FRMD4B: variants seen among roughly 807,000 people sequenced by gnomAD.
The protein encoded by FRMD4B is FERM domain containing 4B, also known as FERM domain-containing protein 4B.
FRMD4B carries 74 observed loss-of-function variants against 141.5 expected under a neutral mutation model. That is an observed-to-expected ratio of 0.52 (90% confidence interval 0.43 to 0.63). The LOEUF (loss-of-function observed/expected upper bound fraction) is 0.63, where lower values mean the gene tolerates loss of function less well. FRMD4B is among the 30% of genes least tolerant of loss of function. The pLI is 0.00. For missense variants in FRMD4B, 1,366 were observed against 1,253.4 expected (o/e 1.09, Z -1.36); for synonymous variants, 506 against 467.9 (o/e 1.08, Z -1.05).
In FRMD4B at chr3:69,540,537, T is replaced by C. The variant is rs375025733; in HGVS notation, c.-129+1669A>G. Among the ~76,000 whole-genome samples the C allele has an allele frequency of 4.1e-4, 58 of 141,214 alleles. 1 individual carries two copies. The South Asian group carries it at 0.013, about 31-fold the overall frequency. 92.6% of individuals were successfully genotyped at this position (141,214 alleles called of 152,430 possible). A position where few individuals can be genotyped will look rare whatever the true frequency, so the allele number is the denominator to read the frequency against. ...GCTGAGGCAGGAGACTCGCTTGAAC[T>C]CGGGAGGCAGAGGTTGCAGTGAGCC... On this transcript the variant is annotated intron_variant, in intron 1 of 5. Transcript: ENST00000459638.
chr3:69,392,985 G>C (rs1302915116), intron 2 of FRMD4B, among the ~76,000 whole-genome samples: 1 of 152,076 alleles, frequency 6.6e-6, no homozygotes, highest in Admixed American at 6.5e-5. Context: ...GAAACACATA[G>C]AGGTGGTGGA....
intron 22 of FRMD4B, among the ~76,000 whole-genome samples, chr3:69,175,260 G>A (rs2092631650): frequency 6.6e-6 from 1 of 152,146 alleles, no homozygotes; most frequent in Admixed American, 6.5e-5. Context: ...CTAAAAACAG[G>A]AGAAAATGCC....
At chr3:69,245,916 C>T (rs2093423004) in intron 7 of FRMD4B, among the ~76,000 whole-genome samples, 1 of 147,574 alleles carries the variant, frequency 6.8e-6, no homozygotes, top group Non-Finnish European at 1.5e-5. Flanking sequence ...CGGCTCACCA[C>T]AACCTCTGCC....
intron 1 of FRMD4B, among the ~76,000 whole-genome samples, chr3:69,369,203 A>G (rs566303572): frequency 1.4e-4 from 21 of 152,344 alleles, no homozygotes; most frequent in Non-Finnish European, 3.1e-4. Context: ...ACTTTCTGGA[A>G]AAACTTCAGA....
chr3:69,260,362 AC>A (rs2093518549), intron 5 of FRMD4B, among the ~76,000 whole-genome samples: 1 of 152,168 alleles, frequency 6.6e-6, no homozygotes, highest in African/African-American at 2.4e-5. Flanking sequence ...CAGCCTCTGC[AC>A]CCGGAGCGGC....
chr3:69,454,143 G>C (rs553967221), intron 1 of FRMD4B, among the ~76,000 whole-genome samples: 5 of 152,350 alleles, frequency 3.3e-5, no homozygotes, highest in Non-Finnish European at 1.5e-5. Flanking sequence ...AATGAAGAAG[G>C]AGGAATTTCT....
chr3:69,488,598 T>G (rs986089662), intron 1 of FRMD4B, among the ~76,000 whole-genome samples: 1 of 152,060 alleles, frequency 6.6e-6, no homozygotes, highest in African/African-American at 2.4e-5. Context: ...GGCATAGACC[T>G]AGCTATAAAA....
At chr3:69,525,447 A>G (rs1011797582) in intron 1 of FRMD4B, among the ~76,000 whole-genome samples, 23 of 152,198 alleles carry the variant, frequency 1.5e-4, no homozygotes, top group African/African-American at 5.3e-4. Context: ...TGCAGGAAAC[A>G]GGCCAAAGTG....
intron 1 of FRMD4B, among the ~76,000 whole-genome samples, chr3:69,492,425 C>A (rs2107028060): frequency 6.6e-6 from 1 of 152,328 alleles, no homozygotes; most frequent in South Asian, 2.1e-4. Flanking sequence ...CTAACCTGAG[C>A]AGGTCTCTTT....
intron 1 of FRMD4B, among the ~76,000 whole-genome samples, chr3:69,469,938 C>A (rs9310155): frequency 4.6e-5 from 7 of 152,022 alleles, no homozygotes; most frequent in Middle Eastern, 3.2e-3. Flanking sequence ...TGTGTTGCAG[C>A]GAATGTTTCA....
intron 1 of FRMD4B, among the ~76,000 whole-genome samples, chr3:69,514,206 T>C (rs760304912): frequency 1.6e-4 from 24 of 152,180 alleles, no homozygotes; most frequent in Admixed American, 5.2e-4. Flanking sequence ...TTCAGCAAGA[T>C]TGCAGGATAC....
intron 2 of FRMD4B, among the ~76,000 whole-genome samples, chr3:69,412,887 T>C (rs1010984000): frequency 3.5e-5 from 5 of 144,144 alleles, no homozygotes; most frequent in African/African-American, 1.3e-4. Flanking sequence ...GAAGCTCCAC[T>C]TTGTTCCCAG....
At chr3:69,478,775 T>C (rs2106972861) in intron 1 of FRMD4B, among the ~76,000 whole-genome samples, 1 of 152,256 alleles carries the variant, frequency 6.6e-6, no homozygotes, top group African/African-American at 2.4e-5. Context: ...ACTTTCTGTC[T>C]CGTTGATCTG....
chr3:69,265,088 AC>A (rs1302987840), intron 5 of FRMD4B, among the ~76,000 whole-genome samples: 1 of 149,684 alleles, frequency 6.7e-6, no homozygotes, highest in Admixed American at 6.7e-5. Flanking sequence ...ACCCCTCTCT[AC>A]TAAAAATACA....
chr3:69,455,337 C>T (rs1459832154), intron 1 of FRMD4B, among the ~76,000 whole-genome samples: 4 of 152,322 alleles, frequency 2.6e-5, no homozygotes, highest in Admixed American at 6.5e-5. Flanking sequence ...TAAATTTTTG[C>T]AGTTGCTTGT....
At chr3:69,179,586 C>T (rs2092684256) in intron 21 of FRMD4B, among the ~76,000 whole-genome samples, 1 of 152,140 alleles carries the variant, frequency 6.6e-6, no homozygotes, top group African/African-American at 2.4e-5. Context: ...ATAGAAATCT[C>T]CATGGAAACG....
intron 19 of FRMD4B, among the ~76,000 whole-genome samples, chr3:69,185,807 C>A (rs112750011): frequency 6.6e-6 from 1 of 151,872 alleles, no homozygotes; most frequent in Non-Finnish European, 1.5e-5. Context: ...TTTGGGAGGC[C>A]GAAGTGGGCG....
At chr3:69,335,324 A>G (rs991996944) in intron 1 of FRMD4B, among the ~76,000 whole-genome samples, 1 of 151,902 alleles carries the variant, frequency 6.6e-6, no homozygotes, top group Non-Finnish European at 1.5e-5. Flanking sequence ...GAGGCAGAAC[A>G]TGCTTGGGTT....
intron 1 of FRMD4B, chr3:69,471,471 T>C: frequency 3.8e-6 from 1 of 262,538 alleles, no homozygotes; most frequent in South Asian, 7.6e-5. Context: ...GCCCTATTAA[T>C]TTCATGACCC....
Sources: allele counts gnomAD v4.1 joint callset (sites outside exome capture counted in the v4.1 genomes callset), GRCh38; gene constraint gnomAD v4.1.1; transcripts MANE v1.5; gene names NCBI Gene and HGNC (gene_info 2026-07-23, HGNC 2026-07-21).